Variants in MATN2 observed in about 807,000 individuals in gnomAD.
MATN2 encodes the protein matrilin-2.
In MATN2, 69 loss-of-function variants were observed where a neutral mutation model predicts 103.2. That is an observed-to-expected ratio of 0.67 (90% CI 0.55 to 0.82). The LOEUF (loss-of-function observed/expected upper bound fraction) is 0.82. Among genes scored for constraint, MATN2 ranks in the 40% least tolerant of loss-of-function variants. The pLI is 0.00. For missense variants in MATN2, 1,023 were observed against 1,211.5 expected (o/e 0.84, Z 2.31); for synonymous variants, 429 against 450.2 (o/e 0.95, Z 0.60).
intron 2 of MATN2, among the ~76,000 whole-genome samples, chr8:97,892,164 G>A (rs1243310623): frequency 2.7e-5 from 4 of 150,096 alleles, no homozygotes; most frequent in Non-Finnish European, 5.9e-5. Context: ...TTGAACCCGG[G>A]AGGCGGAGGT....
chr8:98,034,846 A>G (rs1445922124), intron 18 of MATN2, among the ~76,000 whole-genome samples: 2 of 151,602 alleles, frequency 1.3e-5, no homozygotes, highest in Non-Finnish European at 2.9e-5. Context: ...AACATTATCA[A>G]TTCTGGCTCC....
chr8:98,017,905 A>G (rs1813420978), intron 11 of MATN2, 89 bp from the exon 12 acceptor site: 9 of 1,456,176 alleles, frequency 6.2e-6, no homozygotes, highest in South Asian at 1.1e-5. Context: ...AGAATCCAGT[A>G]GCTGACTCCA....
At chr8:98,009,581 G>A (rs1749761531) in intron 10 of MATN2, among the ~76,000 whole-genome samples, 1 of 152,350 alleles carries the variant, frequency 6.6e-6, no homozygotes, top group South Asian at 2.1e-4. Flanking sequence ...GGGCACTGCT[G>A]TGCCCCTACC....
intron 4 of MATN2, among the ~76,000 whole-genome samples, chr8:97,952,885 A>G (rs942603158): frequency 3.3e-5 from 5 of 150,884 alleles, no homozygotes; most frequent in Admixed American, 6.6e-5. Context: ...AAATTTTAGA[A>G]CGTTAGGATC....
intron 2 of MATN2, among the ~76,000 whole-genome samples, chr8:97,891,494 C>T (rs1016297321): frequency 6.6e-5 from 10 of 152,034 alleles, no homozygotes; most frequent in African/African-American, 1.7e-4. Context: ...CATGACACTA[C>T]GCCTGGCTAA....
At chr8:97,904,984 C>G (rs1207806918) in intron 2 of MATN2, among the ~76,000 whole-genome samples, 1 of 152,130 alleles carries the variant, frequency 6.6e-6, no homozygotes, top group Non-Finnish European at 1.5e-5. Flanking sequence ...TACTGTGTCT[C>G]CAGTAGCAAT....
intron 5 of MATN2, among the ~76,000 whole-genome samples, chr8:97,975,554 A>G (rs1485723103): frequency 1.3e-5 from 2 of 152,198 alleles, no homozygotes; most frequent in Non-Finnish European, 2.9e-5. Context: ...ACTTTTAGGT[A>G]TAGAGACCTG....
chr8:98,002,569 C>A (rs1003124823), intron 7 of MATN2, among the ~76,000 whole-genome samples: 8 of 152,184 alleles, frequency 5.3e-5, no homozygotes, highest in Admixed American at 1.3e-4. Flanking sequence ...TTCCATCTTT[C>A]TTGGAAGGAG....
chr8:98,022,306 A>ATG lies in MATN2; in HGVS notation c.1942+993_1942+994dup, dbSNP rs148769332. On this transcript the variant is annotated intron_variant, in intron 13 of 18. Transcript: ENST00000254898. ...ACATACAGTCTCTCTTTCTCTATAT[A>ATG]TGTGTGTGTGTGTGTACCATTATAT... Among the ~76,000 whole-genome samples, 374 of 151,628 alleles carry ATG rather than the reference A, an allele frequency of 2.5e-3. 2 individuals carry two copies. The highest frequency in any genetic ancestry group is 0.017 in the South Asian group (80 of 4,780).
chr8:98,017,459 A>T (rs955459788), intron 11 of MATN2, among the ~76,000 whole-genome samples: 2 of 152,220 alleles, frequency 1.3e-5, no homozygotes, highest in Non-Finnish European at 2.9e-5. Flanking sequence ...CATCCATATC[A>T]GTTATCTTTT....
chr8:97,958,349 C>T (rs759908353), intron 4 of MATN2, among the ~76,000 whole-genome samples: 1 of 152,214 alleles, frequency 6.6e-6, no homozygotes, highest in Admixed American at 6.5e-5. Flanking sequence ...GAGCTGGTTC[C>T]AGCATGCTGG....
At position 97,881,391 on chromosome 8, in the gene MATN2, G is replaced by A. The variant is rs183240178; in HGVS notation, c.-26-6684G>A. On this transcript the variant is annotated intron_variant, in intron 1 of 18. Coordinates refer to ENST00000254898, the MANE Select transcript of MATN2 (RefSeq NM_002380.5). ...TCTGGCTCTGGAGGGAATTCTATTCGCCTGTGGATTTACTTGCAACAGTGA... is the reference window on the plus strand; with the variant it reads ...TCTGGCTCTGGAGGGAATTCTATTCACCTGTGGATTTACTTGCAACAGTGA... Among the ~76,000 whole-genome samples, 98 of 152,286 alleles carry A rather than the reference G, an allele frequency of 6.4e-4. 2 individuals carry two copies. The highest frequency in any genetic ancestry group is 6.6e-4 in the Non-Finnish European group (45 of 68,020).
intron 2 of MATN2, among the ~76,000 whole-genome samples, chr8:97,906,507 T>C (rs1819176304): frequency 6.6e-6 from 1 of 152,210 alleles, no homozygotes; most frequent in East Asian, 1.9e-4. Context: ...CCCCAGCCAG[T>C]GGTCAGAACT....
rs1199223161 is a variant in MATN2, at chr8:97,876,185, TA to T, written c.-27+6899del. ...TGCCACCACGCTTGGCTAATTATTG[TA>T]TTTTTTTTTTTTTTTTTTTTGAGAC... On this transcript the variant is annotated intron_variant, in intron 1 of 18. Coordinates refer to ENST00000254898, the MANE Select transcript of MATN2 (RefSeq NM_002380.5). Among the ~76,000 whole-genome samples, 618 of 131,438 alleles carry T rather than the reference TA, an allele frequency of 4.7e-3. 1 individual carries two copies. Among genetic ancestry groups the T allele is most frequent in the African/African-American group, 0.021 (589 of 28,466 alleles). 86.2% of individuals were successfully genotyped at this position (131,438 alleles called of 152,430 possible).
Position 98,033,669 on chromosome 8 carries a change from T to C in MATN2, c.2815+10T>C, listed in dbSNP as rs374806226. The C allele has an allele frequency of 3.1e-4, 482 of 1,530,908 alleles. No individual in the cohort carries two copies. The African/African-American group carries it at 5.6e-3, about 18-fold the overall frequency. The allele number at this position is 1,530,908 out of a possible 1,614,324, so 94.8% of individuals were successfully genotyped here. A position where few individuals can be genotyped will look rare whatever the true frequency, so the allele number is the denominator to read the frequency against. On this transcript the variant is annotated intron_variant, in intron 18 of 18. Coordinates refer to ENST00000254898, the MANE Select transcript of MATN2 (RefSeq NM_002380.5). Reference sequence around the variant, plus strand: ...AAATTAACACAGCGCTATATCCTTTTCTTGCATTATGCTTCTGTATGGAAT... The same window carrying C: ...AAATTAACACAGCGCTATATCCTTTCCTTGCATTATGCTTCTGTATGGAAT...
intron 7 of MATN2, among the ~76,000 whole-genome samples, chr8:97,996,600 G>A (rs960919643): frequency 1.5e-4 from 23 of 152,134 alleles, no homozygotes; most frequent in African/African-American, 4.6e-4. Context: ...CCGCCTCATC[G>A]TTACATTTTC....
In MATN2 at chr8:97,931,605, A is replaced by G. The variant is rs1001101734; in HGVS notation, c.712+83A>G. 14 of 1,324,250 alleles carry G rather than the reference A, an allele frequency of 1.1e-5. No individual in the cohort carries two copies. Among genetic ancestry groups the G allele is most frequent in the Middle Eastern group, 2.0e-4 (1 of 5,046 alleles). 82.0% of individuals were successfully genotyped at this position (1,324,250 alleles called of 1,614,324 possible). Reference sequence around the variant, plus strand: ...CTTCAAGTGTTCATTCTGTGTTACTATGTCCCAGGTACTGTGCTGGCAATA... The same window carrying G: ...CTTCAAGTGTTCATTCTGTGTTACTGTGTCCCAGGTACTGTGCTGGCAATA... On this transcript the variant is annotated intron_variant, in intron 3 of 18. Transcript: ENST00000254898. This position sits in a 1 kb window ranked among gnomAD's most constrained non-coding sequence, Gnocchi z 4.1.
Position 98,035,665 on chromosome 8 carries a change from A to G in MATN2, c.2824A>G (p.Met942Val), listed in dbSNP as rs191138606. 8 of 1,582,712 alleles carry G rather than the reference A, an allele frequency of 5.1e-6. No individual in the cohort carries two copies. In the Admixed American group the frequency reaches 1.2e-4, roughly 24 times the overall value. ...CTTAATTTGAGATTTACTAGAAGAA[A>G]TGACACAGAGAATGGAAGCCCTGGA... Reference protein sequence around the residue: ...VRKLTQRLEEMTQRMEALENR... With the variant: ...VRKLTQRLEEVTQRMEALENR... Residue 942 changes from methionine (M) to valine (V), a missense_variant, in exon 19 of 19, where the codon ATG becomes GTG. Met to Val is a conservative substitution (Grantham distance 21). Coordinates refer to ENST00000254898, the MANE Select transcript of MATN2 (RefSeq NM_002380.5).
At chr8:98,027,910 A>AG in intron 14 of MATN2, 81 bp downstream of exon 14, 1 of 1,421,374 alleles carries the variant, frequency 7.0e-7, no homozygotes, top group Non-Finnish European at 9.4e-7. Flanking sequence ...GCTGGCCATA[A>AG]GGGTAAGCTT....
Sources: allele counts gnomAD v4.1 joint callset (sites outside exome capture counted in the v4.1 genomes callset), GRCh38; gene constraint gnomAD v4.1.1; non-coding constraint Gnocchi (gnomAD v3.1); transcripts MANE v1.5; gene names NCBI Gene and HGNC (gene_info 2026-07-23, HGNC 2026-07-21).